The following POLR3D variants were observed in gnomAD, a reference collection of about 807,000 sequenced individuals.
The protein encoded by POLR3D is RNA polymerase III subunit D, also known as DNA-directed RNA polymerase III subunit RPC4.
In POLR3D, 42 loss-of-function variants were observed where a neutral mutation model predicts 44.5. That is an observed-to-expected ratio of 0.94 (90% confidence interval 0.74 to 1.22). The LOEUF (loss-of-function observed/expected upper bound fraction) is 1.22. Ranked by LOEUF, POLR3D falls within the 50% of genes most tolerant of loss-of-function variation. The pLI is 0.00. For missense variants in POLR3D, 507 were observed against 505.2 expected (o/e 1.00, Z -0.03); for synonymous variants, 217 against 198.1 (o/e 1.10, Z -0.80).
intron 5 of POLR3D, 25 bp from the exon 6 acceptor site, chr8:22,248,456 G>C: frequency 1.9e-6 from 3 of 1,610,458 alleles, no homozygotes; most frequent in Non-Finnish European, 2.5e-6. Flanking sequence ...CTAGCAGGCT[G>C]GATGACCCAG....
Position 22,248,009 on chromosome 8 carries a change from G to A in POLR3D, c.361+1G>A. 1 of 1,613,100 alleles carries A rather than the reference G, an allele frequency of 6.2e-7. No homozygotes were observed. The highest frequency in any genetic ancestry group is 8.5e-7 in the Non-Finnish European group (1 of 1,179,318). ...CCAGCTGAAATGATGAAGAAAAAAG[G>A]TATAAGGAAGGAATCAGTGAATTTC... is the stretch of plus-strand genomic sequence containing the variant. On this transcript the variant is annotated splice_donor_variant, in intron 4 of 8. Transcript: ENST00000306433. LOFTEE classifies it high-confidence loss of function.
At position 22,250,622 on chromosome 8, in the gene POLR3D, C is replaced by G; in HGVS notation, c.*104C>G. The G allele has an allele frequency of 2.1e-6, 3 of 1,408,554 alleles. No individual in the cohort carries two copies. In the South Asian group the frequency reaches 3.7e-5, roughly 18 times the overall value. 87.3% of individuals were successfully genotyped at this position (1,408,554 alleles called of 1,614,324 possible). ...ACCCAGAAGGGGCCCACTGAGCCCA[C>G]TCACTCCAGCCTTTGGCAACCATTG... On this transcript the variant is annotated 3_prime_UTR_variant, in exon 9 of 9. Coordinates refer to ENST00000306433, the MANE Select transcript of POLR3D (RefSeq NM_001722.3).
chr8:22,251,096 C>G lies in POLR3D; in HGVS notation c.*578C>G, dbSNP rs1830101966. The G allele has an allele frequency of 6.5e-6, 1 of 154,758 alleles. No homozygotes were observed. Among genetic ancestry groups the G allele is most frequent in the Admixed American group, 6.4e-5 (1 of 15,666 alleles). 9.6% of individuals were successfully genotyped at this position (154,758 alleles called of 1,614,324 possible). A position where few individuals can be genotyped will look rare whatever the true frequency, so the allele number is the denominator to read the frequency against. Reference sequence around the variant, plus strand: ...CAGGGTTGGCGTGAGGATTCATGGGCTATTATAGATGAAAACTGCACAAGG... The same window carrying G: ...CAGGGTTGGCGTGAGGATTCATGGGGTATTATAGATGAAAACTGCACAAGG... On this transcript the variant is annotated 3_prime_UTR_variant, in exon 9 of 9. Transcript: ENST00000306433.
At position 22,252,430 on chromosome 8, in the gene POLR3D, T is replaced by C. The variant is rs1418308272; in HGVS notation, c.*1912T>C. ...GGCCCGATGTTAGATATTGGGTATT[T>C]TTCAATCTTCTGTTTTCTGACCCTT... On this transcript the variant is annotated 3_prime_UTR_variant, in exon 9 of 9. Coordinates refer to ENST00000306433, the MANE Select transcript of POLR3D (RefSeq NM_001722.3). The C allele has an allele frequency of 6.6e-6, 1 of 152,414 alleles. No homozygotes were observed. Among genetic ancestry groups the C allele is most frequent in the Non-Finnish European group, 1.5e-5 (1 of 68,038 alleles). 9.4% of individuals were successfully genotyped at this position (152,414 alleles called of 1,614,324 possible). A position where few individuals can be genotyped will look rare whatever the true frequency, so the allele number is the denominator to read the frequency against.
At position 22,250,132 on chromosome 8, in the gene POLR3D, G is replaced by A. The variant is rs1830088713; in HGVS notation, c.979G>A (p.Gly327Ser). The A allele has an allele frequency of 6.2e-7, 1 of 1,614,024 alleles. No individual in the cohort carries two copies. The highest frequency in any genetic ancestry group is 1.3e-5 in the African/African-American group (1 of 74,908). The change falls in exon 8 of 9, where the codon GGC (glycine) becomes AGC (serine). Residue 327 changes from glycine (G) to serine (S), a missense_variant. Gly to Ser is a moderately conservative substitution (Grantham distance 56). Coordinates refer to ENST00000306433, the MANE Select transcript of POLR3D (RefSeq NM_001722.3). ...TLADLTEGQVGKLLIRKSGRV... is the reference protein window; with the variant it reads ...TLADLTEGQVSKLLIRKSGRV... ...GGCTGACCTGACAGAGGGTCAGGTT[G>A]GCAAGCTACTCATCCGCAAGTCTGG...
At chr8:22,248,352 G>A in intron 5 of POLR3D, 74 bp downstream of exon 5, 1 of 1,585,578 alleles carries the variant, frequency 6.3e-7, no homozygotes, top group Non-Finnish European at 8.6e-7. Context: ...CCAGGTGAGG[G>A]GTAGAAGAGC....
rs1231805620 is a variant in POLR3D at position 22,248,656 on chromosome 8, T to A, written c.655+7T>A. On this transcript the variant is annotated splice_region_variant and intron_variant, in intron 6 of 8. Transcript: ENST00000306433. ...GACATACCTGCTGTGAAAGGTACTC[T>A]GTCGGTTAACTTCTCATCTCCAATT... The A allele has an allele frequency of 6.2e-7, 1 of 1,610,048 alleles. No individual in the cohort carries two copies.
At chr8:22,248,358 A>G (rs1465426198) in intron 5 of POLR3D, 80 bp downstream of exon 5, 1 of 1,582,690 alleles carries the variant, frequency 6.3e-7, no homozygotes, top group East Asian at 2.2e-5. Context: ...GAGGGGTAGA[A>G]GAGCTTACTG....
rs766297703 is a variant in POLR3D at position 22,249,720 on chromosome 8, G to T, written c.922-355G>T. 1.4e-4 allele frequency among the ~76,000 whole-genome samples: 22 copies of T among 152,194 alleles called. 1 individual carries two copies. The highest frequency in any genetic ancestry group is 1.2e-3 in the East Asian group (6 of 5,166). On this transcript the variant is annotated intron_variant, in intron 7 of 8. Transcript: ENST00000306433. ...GCCTGTAGTCCCCGCTACTTGGGAG[G>T]CTGAGGCGGGGGAATGGCTTGAGTC... is the stretch of plus-strand genomic sequence containing the variant.
Position 22,253,094 on chromosome 8 carries a change from A to G in POLR3D, c.*2576A>G, listed in dbSNP as rs1830118755. The G allele has an allele frequency of 6.6e-6, 1 of 152,208 alleles. No homozygotes were observed. Among genetic ancestry groups the G allele is most frequent in the Non-Finnish European group, 1.5e-5 (1 of 68,032 alleles). The allele number at this position is 152,208 out of a possible 1,614,324, so 9.4% of individuals were successfully genotyped here. A position where few individuals can be genotyped will look rare whatever the true frequency, so the allele number is the denominator to read the frequency against. Reference sequence around the variant, plus strand: ...CCTGACGGTGGCTTAAGCAATGGGAATGTTTATCTCACATAGCAAAAAGTC... The same window carrying G: ...CCTGACGGTGGCTTAAGCAATGGGAGTGTTTATCTCACATAGCAAAAAGTC... On this transcript the variant is annotated 3_prime_UTR_variant, in exon 9 of 9. Transcript: ENST00000306433.
chr8:22,250,439 T>C lies in POLR3D; in HGVS notation c.1118T>C (p.Met373Thr). 1 of 1,614,112 alleles carries C rather than the reference T, an allele frequency of 6.2e-7. No homozygotes were observed. The highest frequency in any genetic ancestry group is 8.5e-7 in the Non-Finnish European group (1 of 1,179,984). ...CTTGGAGACAGTAGGACAGGGGAGA[T>C]GACAGTCCTGGGACACGTGAAGCAC... ...VGLGDSRTGE[M>T]TVLGHVKHKL... is the part of the protein sequence containing the mutation. Residue 373 changes from methionine (M) to threonine (T), a missense_variant, in exon 9 of 9, where the codon ATG becomes ACG. Transcript: ENST00000306433.
At chr8:22,249,960 T>C (rs970562409) in intron 7 of POLR3D, 115 bp from the exon 8 acceptor site, 16 of 1,154,094 alleles carry the variant, frequency 1.4e-5, no homozygotes, top group East Asian at 4.7e-5. Flanking sequence ...AGGCACTCTT[T>C]GGGGAGCTCA....
chr8:22,246,040 C>T (rs1830037429), intron 2 of POLR3D, among the ~76,000 whole-genome samples: 1 of 152,170 alleles, frequency 6.6e-6, no homozygotes, highest in African/African-American at 2.4e-5. Flanking sequence ...TCTGTGGCCT[C>T]TCCCATGTGT....
At chr8:22,247,829 G>A (rs1475384890) in intron 3 of POLR3D, 28 bp from the exon 4 acceptor site, 2 of 1,604,470 alleles carry the variant, frequency 1.2e-6, no homozygotes, top group Non-Finnish European at 1.7e-6. Flanking sequence ...TGAGTGAGTG[G>A]TTTCCCTTAA....
At position 22,250,482 on chromosome 8, in the gene POLR3D, T is replaced by C. The variant is rs374345543; in HGVS notation, c.1161T>C (p.Pro387=). ...GHVKHKLVCS[P]DFESLLDHKH... ...TGAAGCACAAACTTGTATGTTCCCC[T>C]GATTTTGAATCCCTCTTGGATCACA... The change falls in exon 9 of 9, where the codon CCT becomes CCC. Residue 387 remains proline, a synonymous_variant. Transcript: ENST00000306433. 6.2e-7 allele frequency: 1 copy of C among 1,614,208 alleles called. No homozygotes were observed. Among genetic ancestry groups the C allele is most frequent in the Non-Finnish European group, 8.5e-7 (1 of 1,180,024 alleles).
Position 22,248,515 on chromosome 8 carries a change from G to A in POLR3D, c.521G>A (p.Arg174Gln), listed in dbSNP as rs200855024. Reference protein sequence around the residue: ...LDDPGLRNDTRNMPVQLPLAH... With the variant: ...LDDPGLRNDTQNMPVQLPLAH... ...GACCCCGGCCTGAGGAACGACACTCGAAATATGCCTGTGCAGCTGCCGCTG... is the reference window on the plus strand; with the variant it reads ...GACCCCGGCCTGAGGAACGACACTCAAAATATGCCTGTGCAGCTGCCGCTG... The change falls in exon 6 of 9, where the codon CGA becomes CAA. Residue 174 changes from arginine to glutamine, a missense_variant. Transcript: ENST00000306433. 16 of 1,614,030 alleles carry A rather than the reference G, an allele frequency of 9.9e-6. No individual in the cohort carries two copies. The highest frequency in any genetic ancestry group is 4.5e-5 in the East Asian group (2 of 44,890).
chr8:22,248,966 A>C, intron 6 of POLR3D, 78 bp from the exon 7 acceptor site: 3 of 1,516,234 alleles, frequency 2.0e-6, no homozygotes, highest in Non-Finnish European at 2.7e-6. Flanking sequence ...TGGAGCAGAC[A>C]GGGGCAAAGG....
chr8:22,248,901 C>G (rs1175143293), intron 6 of POLR3D, 143 bp from the exon 7 acceptor site: 1 of 946,704 alleles, frequency 1.1e-6, no homozygotes, highest in Non-Finnish European at 1.6e-6. Context: ...AACGTGTTGT[C>G]TCTTGCCCCT....
In POLR3D at chr8:22,246,420, G is replaced by A. The variant is rs539753510; in HGVS notation, c.166-801G>A. Among the ~76,000 whole-genome samples, 8 of 150,154 alleles carry A rather than the reference G, an allele frequency of 5.3e-5. No homozygotes were observed. The East Asian group carries it at 8.0e-4, about 15-fold the overall frequency. ...GCTGGGATTACAGGTGTGAGCCACC[G>A]CTCCTGGCCGAATAAAGCGGTTTTT... On this transcript the variant is annotated intron_variant, in intron 2 of 8. Coordinates refer to ENST00000306433, the MANE Select transcript of POLR3D (RefSeq NM_001722.3).
Sources: gnomAD v4.1 joint callset for allele counts (sites outside exome capture counted in the v4.1 genomes callset) on GRCh38, gnomAD v4.1.1 for gene constraint, MANE v1.5 for transcripts, NCBI Gene and HGNC (gene_info 2026-07-23, HGNC 2026-07-21) for gene names.